Variants in PRDM16 observed in about 807,000 individuals in gnomAD.
PRDM16 encodes the protein histone-lysine N-methyltransferase PRDM16.
In PRDM16, 23 loss-of-function variants were observed where a neutral mutation model predicts 110.6. That is an observed-to-expected ratio of 0.21 (90% CI 0.15 to 0.29). PRDM16 has a LOEUF of 0.29. Ranked by LOEUF, PRDM16 falls within the 10% of genes least tolerant of loss-of-function variation. The probability of loss-of-function intolerance (pLI) is 1.00; values close to 1 mark genes in which losing one functional copy is unlikely to be tolerated. For missense variants in PRDM16, 1,615 were observed against 1,794.3 expected, an observed-to-expected ratio of 0.90 and a Z score of 1.81; for synonymous variants, 799 against 781.8, an observed-to-expected ratio of 1.02 and a Z score of -0.37.
rs1638269741 is a variant in PRDM16, at chr1:3,190,343, G to A, written c.387+3869G>A. On this transcript the variant is annotated intron_variant, in intron 2 of 16. Transcript: ENST00000270722. The surrounding 1 kb of genome is among the most constrained non-coding windows in gnomAD (Gnocchi z 5.0). ...GTTAGCAACGCAGGAATGAGGCTGG[G>A]GGTCGGGAGCTGAGTTTCCTCCGGC... Among the ~76,000 whole-genome samples, 1 of 152,230 alleles carries A rather than the reference G, an allele frequency of 6.6e-6. No individual in the cohort carries two copies. Among genetic ancestry groups the A allele is most frequent in the Admixed American group, 6.5e-5 (1 of 15,284 alleles).
At chr1:3,408,859 G>C (rs1472627482) in intron 8 of PRDM16, among the ~76,000 whole-genome samples, 1 of 131,642 alleles carries the variant, frequency 7.6e-6, no homozygotes, top group Non-Finnish European at 1.6e-5. Context: ...AGAGCACGAG[G>C]GTGGGCACGT....
chr1:3,203,584 G>T (rs990926329), intron 2 of PRDM16, among the ~76,000 whole-genome samples: 3 of 107,682 alleles, frequency 2.8e-5, no homozygotes, highest in Admixed American at 1.7e-4. Flanking sequence ...TCTCTCCCCG[G>T]GGGGGCCAGG....
In PRDM16 at chr1:3,321,310, A is replaced by C. The variant is rs1003070035; in HGVS notation, c.439-63842A>C. 6.6e-5 allele frequency among the ~76,000 whole-genome samples: 10 copies of C among 151,982 alleles called. No individual in the cohort carries two copies. The East Asian group carries it at 1.9e-3, about 29-fold the overall frequency. Reference sequence around the variant, plus strand: ...GCAGTACACATATGTGAGTGTGTCCATTTGTGTGTGGGTCCGTGTGTGTGT... The same window carrying C: ...GCAGTACACATATGTGAGTGTGTCCCTTTGTGTGTGGGTCCGTGTGTGTGT... On this transcript the variant is annotated intron_variant, in intron 3 of 16. Transcript: ENST00000270722.
chr1:3,392,653 A>G (rs1177348467), intron 4 of PRDM16, among the ~76,000 whole-genome samples: 1 of 152,242 alleles, frequency 6.6e-6, no homozygotes, highest in Non-Finnish European at 1.5e-5. Context: ...AAAGACCTGT[A>G]AGGAGAAGGT....
At chr1:3,105,114 C>T (rs1169581161) in intron 1 of PRDM16, among the ~76,000 whole-genome samples, 1 of 152,068 alleles carries the variant, frequency 6.6e-6, no homozygotes, top group Non-Finnish European at 1.5e-5. Context: ...GGAGGAGAAG[C>T]AGGGCCATCC....
Position 3,181,445 on chromosome 1 carries a change from TAC to T in PRDM16, c.38-4677_38-4676del, listed in dbSNP as rs367823022. 5.8e-3 allele frequency among the ~76,000 whole-genome samples: 46 copies of T among 7,872 alleles called. 5 individuals are homozygous for T. The highest frequency in any genetic ancestry group is 0.12 in the Middle Eastern group (1 of 8). The allele number at this position is 7,872 out of a possible 152,430, so 5.2% of individuals were successfully genotyped here. A position where few individuals can be genotyped will look rare whatever the true frequency, so the allele number is the denominator to read the frequency against. ...ACACGCGGTCTTACACAAGCAGTCT[TAC>T]ACGGTCTTACACACGGTCTTACACA... On this transcript the variant is annotated intron_variant, in intron 1 of 16. Transcript: ENST00000270722.
intron 5 of PRDM16, among the ~76,000 whole-genome samples, chr1:3,400,498 G>A (rs1417161017): frequency 6.6e-6 from 1 of 152,164 alleles, no homozygotes; most frequent in African/African-American, 2.4e-5. Flanking sequence ...TGTGCACCCT[G>A]TCCAAGGATC....
chr1:3,321,569 T>G (rs1383065505), intron 3 of PRDM16, among the ~76,000 whole-genome samples: 1 of 150,632 alleles, frequency 6.6e-6, no homozygotes, highest in Non-Finnish European at 1.5e-5. Context: ...CAAATGTGTG[T>G]GAGAGTGTTT....
intron 3 of PRDM16, among the ~76,000 whole-genome samples, chr1:3,252,248 C>T (rs1639950360): frequency 1.3e-5 from 2 of 152,234 alleles, no homozygotes; most frequent in South Asian, 2.1e-4. Context: ...GCTCCCGGCT[C>T]CGAGGGCCAG....
chr1:3,416,007 T>C (rs1638243702), intron 10 of PRDM16, among the ~76,000 whole-genome samples: 2 of 152,190 alleles, frequency 1.3e-5, no homozygotes, highest in Non-Finnish European at 2.9e-5. Flanking sequence ...CCATCGCTCA[T>C]CACTCGTTCT....
At position 3,414,409 on chromosome 1, in the gene PRDM16, G is replaced by A. The variant is rs1000418022; in HGVS notation, c.2604-151G>A. 61 of 637,444 alleles carry A rather than the reference G, an allele frequency of 9.6e-5. No individual in the cohort carries two copies. The East Asian group carries it at 1.7e-3, about 18-fold the overall frequency. The allele number at this position is 637,444 out of a possible 1,614,324, so 39.5% of individuals were successfully genotyped here. A position where few individuals can be genotyped will look rare whatever the true frequency, so the allele number is the denominator to read the frequency against. ...TCCCCAAGGCCCACAGAGGAGTCTG[G>A]TGAGCGTTGGGGCAGCCACGGCGAG... is the stretch of plus-strand genomic sequence containing the variant. On this transcript the variant is annotated intron_variant, in intron 9 of 16. Coordinates refer to ENST00000270722, the MANE Select transcript of PRDM16 (RefSeq NM_022114.4).
At chr1:3,101,805 T>C (rs951181835) in intron 1 of PRDM16, among the ~76,000 whole-genome samples, 2 of 152,206 alleles carry the variant, frequency 1.3e-5, no homozygotes, top group African/African-American at 2.4e-5. Flanking sequence ...GAGCTTTCTA[T>C]GTATGGTGAC....
intron 10 of PRDM16, among the ~76,000 whole-genome samples, chr1:3,415,861 G>A (rs1490076328): frequency 6.6e-6 from 1 of 152,252 alleles, no homozygotes; most frequent in Non-Finnish European, 1.5e-5. Context: ...TTGGGCAGAA[G>A]GCGCCAGTTA....
At chr1:3,399,263 A>G (rs917684244) in intron 5 of PRDM16, among the ~76,000 whole-genome samples, 2 of 152,254 alleles carry the variant, frequency 1.3e-5, no homozygotes, top group South Asian at 4.1e-4. Flanking sequence ...CGTGGAGGAC[A>G]GAGCGCATGA....
chr1:3,344,970 G>A (rs867376593), intron 3 of PRDM16, among the ~76,000 whole-genome samples: 26 of 152,268 alleles, frequency 1.7e-4, no homozygotes, highest in Middle Eastern at 3.4e-3. Context: ...AGCAATTCAG[G>A]GGTTTGAGGG....
At chr1:3,373,843 C>T (rs1336258742) in intron 3 of PRDM16, among the ~76,000 whole-genome samples, 2 of 152,248 alleles carry the variant, frequency 1.3e-5, no homozygotes, top group African/African-American at 4.8e-5. Context: ...ATGGCCGAGC[C>T]TGGGACGTCC....
chr1:3,269,308 G>A (rs942726333), intron 3 of PRDM16, among the ~76,000 whole-genome samples: 18 of 151,952 alleles, frequency 1.2e-4, no homozygotes, highest in African/African-American at 3.9e-4. Flanking sequence ...GGACAGTCAG[G>A]AGGACAGTCC....
Position 3,238,696 on chromosome 1 carries a change from G to A in PRDM16, c.388-5391G>A, listed in dbSNP as rs1447217074. On this transcript the variant is annotated intron_variant, in intron 2 of 16. Transcript: ENST00000270722. ...CAGCTTTGCTGGAGCCCACACGGCC[G>A]GAGGGAGCTTGGCCGTGGAGAGAGT... 3.9e-5 allele frequency among the ~76,000 whole-genome samples: 6 copies of A among 152,176 alleles called. No homozygotes were observed. The South Asian group carries it at 8.3e-4, about 21-fold the overall frequency.
At position 3,426,089 on chromosome 1, in the gene PRDM16, A is replaced by T. The variant is rs1638596777; in HGVS notation, c.3148A>T (p.Thr1050Ser). 6.2e-7 allele frequency: 1 copy of T among 1,613,702 alleles called. No individual in the cohort carries two copies. Among genetic ancestry groups the T allele is most frequent in the African/African-American group, 1.3e-5 (1 of 74,900 alleles). Residue 1050 changes from threonine (T) to serine (S), a missense_variant, in exon 14 of 17, where the codon ACC (threonine) becomes TCC (serine). This residue lies in a region of PRDM16 where 327 missense variants were observed against 359.3 expected (regional missense o/e 0.91). Coordinates refer to ENST00000270722, the MANE Select transcript of PRDM16 (RefSeq NM_022114.4). The stretch of plus-strand genomic sequence containing the variant: ...CGGGGTCCTCACGAACCACCTGGGG[A>T]CCAGCGCGTCCTCTCCCACCTCAGA... Reference protein sequence around the residue: ...HPGVLTNHLGTSASSPTSESD... With the variant: ...HPGVLTNHLGSSASSPTSESD...
Sources: allele counts gnomAD v4.1 joint callset (sites outside exome capture counted in the v4.1 genomes callset), GRCh38; gene constraint gnomAD v4.1.1; regional missense constraint gnomAD v4.1.1; non-coding constraint Gnocchi (gnomAD v3.1); transcripts MANE v1.5; gene names NCBI Gene and HGNC (gene_info 2026-07-23, HGNC 2026-07-21).